PPP1R42: variants seen among roughly 807,000 people sequenced by gnomAD.
PPP1R42 encodes the protein leucine rich repeat containing 67.
A neutral mutation model predicts 31.0 loss-of-function variants in PPP1R42; 34 were observed. The observed-to-expected ratio is 1.10, with a 90% CI of 0.83 to 1.46. The LOEUF is 1.46. Among genes scored for constraint, PPP1R42 ranks in the 40% most tolerant of loss-of-function variants. The probability of loss-of-function intolerance (pLI) is 0.00; values close to 1 mark genes in which losing one functional copy is unlikely to be tolerated. For synonymous variants in PPP1R42, 103 were observed against 109.8 expected (o/e 0.94, Z 0.39); for missense variants, 268 against 303.0 (o/e 0.88, Z 0.86).
At chr8:66,977,020 G>A (rs1181886617) in intron 7 of PPP1R42, among the ~76,000 whole-genome samples, 1 of 148,886 alleles carries the variant, frequency 6.7e-6, no homozygotes, top group African/African-American at 2.5e-5. Context: ...CTATTTGTAG[G>A]TTTTTGTTTT....
intron 1 of PPP1R42, among the ~76,000 whole-genome samples, chr8:67,027,493 A>G (rs1426975218): frequency 1.3e-5 from 2 of 152,252 alleles, no homozygotes; most frequent in Non-Finnish European, 2.9e-5. Flanking sequence ...AGAGAACTGA[A>G]TCAACCCACA....
At chr8:67,008,382 T>G (rs1563427951) in intron 5 of PPP1R42, among the ~76,000 whole-genome samples, 1 of 152,096 alleles carries the variant, frequency 6.6e-6, no homozygotes, top group Non-Finnish European at 1.5e-5. Flanking sequence ...CAGGAAAAGC[T>G]ACACAGGGGA....
intron 5 of PPP1R42, among the ~76,000 whole-genome samples, chr8:67,006,410 C>CACTT (rs1815676531): frequency 6.6e-6 from 1 of 152,184 alleles, no homozygotes; most frequent in Admixed American, 6.5e-5. Context: ...TGCAGTCTTG[C>CACTT]ACTTTGGGAC....
At chr8:67,019,237 C>CTTTT (rs1186280936) in intron 1 of PPP1R42, among the ~76,000 whole-genome samples, 1,076 of 91,672 alleles carry the variant, frequency 0.012, 67 homozygotes, top group African/African-American at 0.05. Flanking sequence ...TTATGAGCAT[C>CTTTT]TTTTTTTTTT....
At chr8:67,008,009 C>T (rs2129536792) in intron 5 of PPP1R42, among the ~76,000 whole-genome samples, 1 of 151,596 alleles carries the variant, frequency 6.6e-6, no homozygotes, top group African/African-American at 2.4e-5. Context: ...GCCCCAGCCT[C>T]CCAAGTATCT....
chr8:66,986,785 A>C (rs566682884), intron 6 of PPP1R42, among the ~76,000 whole-genome samples: 1 of 152,358 alleles, frequency 6.6e-6, no homozygotes, highest in South Asian at 2.1e-4. Context: ...GTGCTCAAAC[A>C]TAGCCTTTCT....
At chr8:66,990,308 T>TAG (rs67425868) in intron 5 of PPP1R42, among the ~76,000 whole-genome samples, 1 of 152,036 alleles carries the variant, frequency 6.6e-6, no homozygotes, top group African/African-American at 2.4e-5. Flanking sequence ...TTAATATAGA[T>TAG]AAAGAGTGCT....
intron 6 of PPP1R42, chr8:66,984,032 A>C: frequency 8.4e-7 from 1 of 1,186,216 alleles, no homozygotes; most frequent in East Asian, 2.4e-5. Flanking sequence ...TGCTTGGCAC[A>C]GTTCTGAGAT....
chr8:67,024,756 C>T (rs376121670), intron 1 of PPP1R42, among the ~76,000 whole-genome samples: 4 of 151,904 alleles, frequency 2.6e-5, no homozygotes, highest in South Asian at 2.1e-4. Context: ...GGATTACAGG[C>T]GTGAGCCACT....
intron 5 of PPP1R42, among the ~76,000 whole-genome samples, chr8:66,998,960 C>T (rs370364370): frequency 6.6e-6 from 1 of 151,962 alleles, no homozygotes; most frequent in East Asian, 1.9e-4. Context: ...GGGATTTTTG[C>T]TTCTCTGTTC....
chr8:67,009,965 C>T (rs533658635), intron 5 of PPP1R42, among the ~76,000 whole-genome samples: 1 of 152,346 alleles, frequency 6.6e-6, no homozygotes, highest in Admixed American at 6.5e-5. Context: ...TATACCACAG[C>T]TCATTCCGTT....
At chr8:66,967,321 G>T (rs1585954380) in intron 7 of PPP1R42, among the ~76,000 whole-genome samples, 1 of 152,254 alleles carries the variant, frequency 6.6e-6, no homozygotes, top group Non-Finnish European at 1.5e-5. Context: ...TTGGGAAAGA[G>T]GGGGGACTAC....
chr8:66,985,785 T>C, intron 6 of PPP1R42: 1 of 1,226,468 alleles, frequency 8.2e-7, no homozygotes, highest in Non-Finnish European at 1.2e-6. Context: ...GCCATTTTGC[T>C]GCGTCCATCA....
chr8:66,971,344 C>T (rs1343331561), intron 7 of PPP1R42, among the ~76,000 whole-genome samples: 3 of 152,146 alleles, frequency 2.0e-5, no homozygotes, highest in African/African-American at 7.2e-5. Context: ...TCATGATCAA[C>T]TCTTAAAATA....
rs1257767012 is a variant in PPP1R42, at chr8:67,010,539, A to C, written c.552+176T>G. ...ATTGGAGTATAAAGGAGAAAACTAA[A>C]TAAGAGGACAGAATTATACACATAA... On this transcript the variant is annotated intron_variant, in intron 5 of 7. Transcript: ENST00000685739. 5.4e-6 allele frequency: 3 copies of C among 553,362 alleles called. No individual in the cohort carries two copies. In the East Asian group the frequency reaches 9.8e-5, roughly 18 times the overall value. 34.3% of individuals were successfully genotyped at this position (553,362 alleles called of 1,614,324 possible).
At chr8:66,985,517 T>A (rs910487360) in intron 6 of PPP1R42, 22 of 1,210,664 alleles carry the variant, frequency 1.8e-5, no homozygotes, top group Middle Eastern at 2.0e-4. Context: ...GCAATGCCCA[T>A]GTCATGGAGA....
intron 5 of PPP1R42, among the ~76,000 whole-genome samples, chr8:67,000,549 G>C (rs553448109): frequency 7.3e-5 from 11 of 150,908 alleles, no homozygotes; most frequent in African/African-American, 1.5e-4. Flanking sequence ...CCTCCACCTC[G>C]TAGGCTCAAA....
At chr8:66,978,330 C>G (rs1472927459) in intron 7 of PPP1R42, among the ~76,000 whole-genome samples, 1 of 152,136 alleles carries the variant, frequency 6.6e-6, no homozygotes, top group Non-Finnish European at 1.5e-5. Flanking sequence ...CCCCATAATT[C>G]AATTATCTCC....
At chr8:67,012,862 A>G in intron 4 of PPP1R42, 96 bp downstream of exon 4, 1 of 1,153,472 alleles carries the variant, frequency 8.7e-7, no homozygotes, top group Non-Finnish European at 1.2e-6. Flanking sequence ...CATGAAGAGG[A>G]TGTACAATGT....
Sources: gnomAD v4.1 joint callset for allele counts (sites outside exome capture counted in the v4.1 genomes callset) on GRCh38, gnomAD v4.1.1 for gene constraint, MANE v1.5 for transcripts, NCBI Gene and HGNC (gene_info 2026-07-23, HGNC 2026-07-21) for gene names.